Variants in NEGR1 observed in about 807,000 individuals in gnomAD.
The protein encoded by NEGR1 is IgLON family member 4.
A neutral mutation model predicts 40.9 loss-of-function variants in NEGR1; 10 were observed. The observed-to-expected ratio is 0.24, with a 90% CI of 0.15 to 0.42. The LOEUF (loss-of-function observed/expected upper bound fraction) is 0.42, where lower values mean the gene tolerates loss of function less well. Ranked by LOEUF, NEGR1 falls within the 10% of genes least tolerant of loss-of-function variation. The pLI, the probability that NEGR1 is intolerant of heterozygous loss-of-function variation, is 1.00. For missense variants in NEGR1, 352 were observed against 438.9 expected (o/e 0.80, Z 1.77); for synonymous variants, 185 against 166.8 (o/e 1.11, Z -0.84).
intron 2 of NEGR1, among the ~76,000 whole-genome samples, chr1:71,803,779 C>T (rs1051122812): frequency 6.6e-6 from 1 of 152,194 alleles, no homozygotes; most frequent in East Asian, 1.9e-4. Flanking sequence ...ACATAAATTA[C>T]TTATATGTTT....
At chr1:71,738,760 A>G (rs1458607707) in intron 3 of NEGR1, among the ~76,000 whole-genome samples, 1 of 151,974 alleles carries the variant, frequency 6.6e-6, no homozygotes, top group Non-Finnish European at 1.5e-5. Context: ...TCGAGCACTG[A>G]TATGTCTTAT....
chr1:71,450,758 T>C (rs1646621123), intron 6 of NEGR1, among the ~76,000 whole-genome samples: 2 of 151,410 alleles, frequency 1.3e-5, no homozygotes, highest in African/African-American at 4.9e-5. Context: ...TGCAGTGAGC[T>C]GAGATGGCAC....
chr1:71,685,768 T>C (rs182834371), intron 4 of NEGR1, among the ~76,000 whole-genome samples: 1 of 152,360 alleles, frequency 6.6e-6, no homozygotes, highest in Admixed American at 6.5e-5. Flanking sequence ...TACTGGTGTT[T>C]AAAAAAGTAT....
At chr1:72,217,367 TTATAA>T (rs1653858028) in intron 1 of NEGR1, among the ~76,000 whole-genome samples, 1 of 151,928 alleles carries the variant, frequency 6.6e-6, no homozygotes, top group South Asian at 2.1e-4. Context: ...TCAGAGCCTT[TTATAA>T]TATATCAATG....
At chr1:71,932,819 G>A (rs1645867880) in intron 2 of NEGR1, among the ~76,000 whole-genome samples, 1 of 151,894 alleles carries the variant, frequency 6.6e-6, no homozygotes, top group Non-Finnish European at 1.5e-5. Flanking sequence ...ACAAATTTAG[G>A]GACTGAAGAG....
chr1:71,925,731 A>C (rs1645766447), intron 2 of NEGR1, among the ~76,000 whole-genome samples: 1 of 151,720 alleles, frequency 6.6e-6, no homozygotes, highest in African/African-American at 2.4e-5. Flanking sequence ...GATTTGGGAA[A>C]AAAAAAAAGA....
At chr1:71,504,853 T>G (rs989278562) in intron 6 of NEGR1, among the ~76,000 whole-genome samples, 2 of 152,012 alleles carry the variant, frequency 1.3e-5, no homozygotes, top group African/African-American at 4.8e-5. Flanking sequence ...GGAACTAACC[T>G]CCTGGGTCAA....
intron 6 of NEGR1, among the ~76,000 whole-genome samples, chr1:71,464,966 T>G (rs529982934): frequency 1.3e-5 from 2 of 152,250 alleles, no homozygotes; most frequent in South Asian, 4.1e-4. Flanking sequence ...ATCAGTTATC[T>G]TCAGAAACGT....
intron 3 of NEGR1, among the ~76,000 whole-genome samples, chr1:71,749,988 C>CTTTTTTT (rs768011020): frequency 7.3e-6 from 1 of 136,636 alleles, no homozygotes; most frequent in African/African-American, 2.8e-5. Context: ...TTGCTCCTTT[C>CTTTTTTT]TTTTTTTTTT....
intron 6 of NEGR1, among the ~76,000 whole-genome samples, chr1:71,444,579 G>A (rs1338253858): frequency 5.3e-5 from 8 of 152,106 alleles, no homozygotes. Flanking sequence ...ACAAAAACAA[G>A]AAGTGGGTGG....
At chr1:72,068,996 G>T (rs1326240403) in intron 1 of NEGR1, among the ~76,000 whole-genome samples, 1 of 152,056 alleles carries the variant, frequency 6.6e-6, no homozygotes, top group Non-Finnish European at 1.5e-5. Flanking sequence ...ATTTTCCTTA[G>T]AGAAATCATT....
intron 1 of NEGR1, among the ~76,000 whole-genome samples, chr1:72,063,205 C>T (rs1647204660): frequency 6.6e-6 from 1 of 151,854 alleles, no homozygotes; most frequent in South Asian, 2.1e-4. Context: ...TATCATTGCA[C>T]TGAGCTTGTA....
intron 2 of NEGR1, among the ~76,000 whole-genome samples, chr1:71,782,234 G>A (rs1002455226): frequency 3.9e-5 from 6 of 152,088 alleles, no homozygotes; most frequent in Admixed American, 3.3e-4. Flanking sequence ...CACCATGTAA[G>A]GACTCAGTGA....
chr1:71,796,541 C>A (rs1657334449), intron 2 of NEGR1, among the ~76,000 whole-genome samples: 1 of 152,124 alleles, frequency 6.6e-6, no homozygotes, highest in African/African-American at 2.4e-5. Context: ...TGCGGCATAG[C>A]CTGTGGTGAC....
chr1:71,956,519 A>C (rs1259479764), intron 1 of NEGR1, among the ~76,000 whole-genome samples: 1 of 152,108 alleles, frequency 6.6e-6, no homozygotes, highest in East Asian at 1.9e-4. Flanking sequence ...CATAATAAAA[A>C]TAATAAGAAA....
intron 1 of NEGR1, among the ~76,000 whole-genome samples, chr1:71,940,090 G>T (rs1645945334): frequency 6.6e-6 from 1 of 152,072 alleles, no homozygotes; most frequent in African/African-American, 2.4e-5. Flanking sequence ...GTGAAGTGAG[G>T]GTGGTCAGAT....
intron 1 of NEGR1, among the ~76,000 whole-genome samples, chr1:72,135,404 C>CAAAAAAAAAAAAAAAAAACAAAAAAAA (rs562148946): frequency 3.0e-5 from 2 of 65,792 alleles, no homozygotes; most frequent in Non-Finnish European, 5.2e-5. Context: ...AAACAAAAAA[C>CAAAAAAAAAAAAAAAAAACAAAAAAAA]AAAAAAAAAA....
chr1:71,469,296 AT>A (rs1646767067), intron 6 of NEGR1, among the ~76,000 whole-genome samples: 1 of 152,064 alleles, frequency 6.6e-6, no homozygotes. Context: ...CATTAAGATA[AT>A]TTGGTTGTTG....
intron 3 of NEGR1, among the ~76,000 whole-genome samples, chr1:71,719,214 T>TA (rs1654373920): frequency 6.6e-6 from 1 of 152,148 alleles, no homozygotes; most frequent in African/African-American, 2.4e-5. Context: ...TGAGGCTTAA[T>TA]AAAAAGGTCT....
Sources: allele counts gnomAD v4.1 joint callset (sites outside exome capture counted in the v4.1 genomes callset), GRCh38; gene constraint gnomAD v4.1.1; transcripts MANE v1.5; gene names NCBI Gene and HGNC (gene_info 2026-07-23, HGNC 2026-07-21).